Variants in CFAP44 observed in about 807,000 individuals in gnomAD.
CFAP44 encodes the protein cilia and flagella associated protein 44.
A neutral mutation model predicts 216.2 loss-of-function variants in CFAP44; 134 were observed. That is an observed-to-expected ratio of 0.62 (90% CI 0.54 to 0.72). The LOEUF (loss-of-function observed/expected upper bound fraction) is 0.72, where lower values mean the gene tolerates loss of function less well. Ranked by LOEUF, CFAP44 falls within the 30% of genes least tolerant of loss-of-function variation. The pLI is 0.00. For missense variants in CFAP44, 2,035 were observed against 2,182.1 expected (o/e 0.93, Z 1.34); for synonymous variants, 700 against 727.6 (o/e 0.96, Z 0.61).
chr3:113,414,685 C>A (rs1165780401), intron 6 of CFAP44, among the ~76,000 whole-genome samples: 2 of 152,172 alleles, frequency 1.3e-5, no homozygotes, highest in African/African-American at 4.8e-5. Flanking sequence ...TATGTTGAAC[C>A]AGCCTTGCAT....
Position 113,420,022 on chromosome 3 carries a change from T to C in CFAP44, c.565A>G (p.Ile189Val). ...CTAATTTATTGAAGGCATACCCCAA[T>C]GACGCCAATTCCTTCACCACTGCTA... ...RSSSGEGIGV[I>V]GVHPHKTYFT... Residue 189 changes from isoleucine to valine, a missense_variant, in exon 5 of 35, where the codon ATT (isoleucine) becomes GTT (valine). By Grantham distance (29) the Ile-to-Val change is conservative. Around this residue, in one of 3 missense-constraint regions of CFAP44, gnomAD observed 1,883 missense variants for 2,023.7 expected, o/e 0.93. Transcript: ENST00000393845. 6.2e-7 allele frequency: 1 copy of C among 1,612,834 alleles called. No individual in the cohort carries two copies. Among genetic ancestry groups the C allele is most frequent in the Non-Finnish European group, 8.5e-7 (1 of 1,179,634 alleles).
At chr3:113,326,318 C>A in intron 28 of CFAP44, 127 bp downstream of exon 28, 1 of 808,142 alleles carries the variant, frequency 1.2e-6, no homozygotes, top group Non-Finnish European at 1.8e-6. Context: ...CTCTTTAGCC[C>A]CCACAGTGTC....
At chr3:113,427,529 T>G (rs1934995314) in intron 2 of CFAP44, 190 bp from the exon 3 acceptor site, 1 of 494,868 alleles carries the variant, frequency 2.0e-6, no homozygotes. Context: ...TTTCTGTTTG[T>G]TAATCTCCAT....
rs1950210721 is a variant in CFAP44, at chr3:113,328,695, T to TA, written c.4117-877_4117-876insT. On this transcript the variant is annotated intron_variant, in intron 26 of 34. Coordinates refer to ENST00000393845, the MANE Select transcript of CFAP44 (RefSeq NM_001164496.2). ...AAACTACCAGAGAAATTTAGAGAGC[T>TA]TAAAAAAAAAAAAAAAAAAAAAAAA... Among the ~76,000 whole-genome samples, 201 of 72,326 alleles carry TA rather than the reference T, an allele frequency of 2.8e-3. 18 individuals are homozygous for TA. The highest frequency in any genetic ancestry group is 6.9e-3 in the African/African-American group (147 of 21,394). 47.4% of individuals were successfully genotyped at this position (72,326 alleles called of 152,430 possible). A position where few individuals can be genotyped will look rare whatever the true frequency, so the allele number is the denominator to read the frequency against.
chr3:113,330,778 A>G, intron 25 of CFAP44, 110 bp from the exon 26 acceptor site: 1 of 1,369,858 alleles, frequency 7.3e-7, no homozygotes, highest in East Asian at 2.5e-5. Context: ...AATTCAAGAT[A>G]AAAATTCATC....
At chr3:113,439,953 C>T (rs914255886) in intron 1 of CFAP44, among the ~76,000 whole-genome samples, 1 of 151,936 alleles carries the variant, frequency 6.6e-6, no homozygotes, top group African/African-American at 2.4e-5. Flanking sequence ...AAAGTAATAG[C>T]TTGTCTTTTT....
At chr3:113,433,473 T>C in intron 2 of CFAP44, 92 bp downstream of exon 2, 1 of 307,328 alleles carries the variant, frequency 3.3e-6, no homozygotes, top group Non-Finnish European at 6.3e-6. Context: ...TTTTATAACA[T>C]CCTGCTCTTT....
chr3:113,297,457 T>C (rs1240765467), intron 32 of CFAP44, among the ~76,000 whole-genome samples: 2 of 143,360 alleles, frequency 1.4e-5, no homozygotes, highest in Non-Finnish European at 3.1e-5. Context: ...TGAACTGCTC[T>C]TCCCCAGAGA....
At chr3:113,368,568 C>T (rs1254329626) in intron 18 of CFAP44, among the ~76,000 whole-genome samples, 1 of 152,170 alleles carries the variant, frequency 6.6e-6, no homozygotes, top group Non-Finnish European at 1.5e-5. Flanking sequence ...CCAGGCCTGC[C>T]TTACAAGAGC....
chr3:113,427,088 C>T lies in CFAP44; in HGVS notation c.253+99G>A, dbSNP rs1234303196. 3.9e-6 allele frequency: 5 copies of T among 1,278,010 alleles called. No individual in the cohort carries two copies. In the African/African-American group the frequency reaches 7.5e-5, roughly 19 times the overall value. The allele number at this position is 1,278,010 out of a possible 1,614,324, so 79.2% of individuals were successfully genotyped here. A position where few individuals can be genotyped will look rare whatever the true frequency, so the allele number is the denominator to read the frequency against. On this transcript the variant is annotated intron_variant, in intron 3 of 34. Transcript: ENST00000393845. The stretch of plus-strand genomic sequence containing the variant: ...TATCATTCCCACACATATGTACATC[C>T]TGCACATTTTTCTTTCTATGGATTT...
chr3:113,366,742 C>T lies in CFAP44; in HGVS notation c.2445-433G>A, dbSNP rs1167849989. 5.3e-5 allele frequency among the ~76,000 whole-genome samples: 8 copies of T among 152,250 alleles called. No homozygotes were observed. The South Asian group carries it at 8.3e-4, about 16-fold the overall frequency. On this transcript the variant is annotated intron_variant, in intron 18 of 34. Coordinates refer to ENST00000393845, the MANE Select transcript of CFAP44 (RefSeq NM_001164496.2). Reference sequence around the variant, plus strand: ...TGGGTGCAGCCGATGGAGGGCAAGCCGAAGCAAGGCAGGGTGTTGCCTCAC... The same window carrying T: ...TGGGTGCAGCCGATGGAGGGCAAGCTGAAGCAAGGCAGGGTGTTGCCTCAC...
intron 24 of CFAP44, among the ~76,000 whole-genome samples, chr3:113,341,041 G>A (rs1480027339): frequency 1.3e-5 from 2 of 152,144 alleles, no homozygotes; most frequent in South Asian, 2.1e-4. Flanking sequence ...GCCTGTCAGC[G>A]TGCTCTTGAT....
intron 32 of CFAP44, among the ~76,000 whole-genome samples, chr3:113,302,902 T>C (rs1222315545): frequency 6.9e-6 from 1 of 144,306 alleles, no homozygotes; most frequent in Non-Finnish European, 1.5e-5. Flanking sequence ...AAGCAAAAAA[T>C]AGAAATCAAA....
intron 2 of CFAP44, among the ~76,000 whole-genome samples, chr3:113,433,042 TA>T (rs1238144531): frequency 6.6e-6 from 1 of 152,180 alleles, no homozygotes; most frequent in African/African-American, 2.4e-5. Context: ...TTGAATCTCC[TA>T]TTTCCTGGAC....
intron 24 of CFAP44, among the ~76,000 whole-genome samples, chr3:113,335,570 G>A (rs1048570787): frequency 6.6e-6 from 1 of 152,190 alleles, no homozygotes; most frequent in Non-Finnish European, 1.5e-5. Context: ...CTGGGAAACT[G>A]TAGAACAAAT....
At chr3:113,380,457 G>T (rs192620528) in intron 16 of CFAP44, among the ~76,000 whole-genome samples, 171 of 151,568 alleles carry the variant, frequency 1.1e-3, no homozygotes, top group African/African-American at 3.9e-3. Flanking sequence ...TTGAGACAGG[G>T]TCTCACTCTG....
chr3:113,433,458 AT>A, intron 2 of CFAP44, 106 bp downstream of exon 2: 1 of 295,858 alleles, frequency 3.4e-6, no homozygotes, highest in Non-Finnish European at 6.2e-6. Context: ...AAAAAAAAAG[AT>A]CTATTTTATA....
chr3:113,310,409 C>T lies in CFAP44; in HGVS notation c.4517-2141G>A, dbSNP rs144427615. Among the ~76,000 whole-genome samples, 577 of 152,308 alleles carry T rather than the reference C, an allele frequency of 3.8e-3. 4 individuals carry two copies. Among genetic ancestry groups the T allele is most frequent in the African/African-American group, 0.013 (537 of 41,558 alleles). On this transcript the variant is annotated intron_variant, in intron 28 of 34. Coordinates refer to ENST00000393845, the MANE Select transcript of CFAP44 (RefSeq NM_001164496.2). The stretch of plus-strand genomic sequence containing the variant: ...AGCAGTATCAAAGAGGCCCCCTATC[C>T]CTTGGGTGACAATGAAGTCTGAATG...
In CFAP44 at chr3:113,328,695, T is replaced by TAAAAAAAAAAAAAAAA. The variant is rs1950210721; in HGVS notation, c.4117-877_4117-876insTTTTTTTTTTTTTTTT. Among the ~76,000 whole-genome samples, 34 of 72,342 alleles carry TAAAAAAAAAAAAAAAA rather than the reference T, an allele frequency of 4.7e-4. 6 individuals carry two copies. Among genetic ancestry groups the TAAAAAAAAAAAAAAAA allele is most frequent in the African/African-American group, 1.0e-3 (22 of 21,406 alleles). The allele number at this position is 72,342 out of a possible 152,430, so 47.5% of individuals were successfully genotyped here. ...AAACTACCAGAGAAATTTAGAGAGC[T>TAAAAAAAAAAAAAAAA]TAAAAAAAAAAAAAAAAAAAAAAAA... On this transcript the variant is annotated intron_variant, in intron 26 of 34. Transcript: ENST00000393845.
Sources: gnomAD v4.1 joint callset for allele counts (sites outside exome capture counted in the v4.1 genomes callset) on GRCh38, gnomAD v4.1.1 for gene constraint, gnomAD v4.1.1 regional missense constraint, MANE v1.5 for transcripts, NCBI Gene and HGNC (gene_info 2026-07-23, HGNC 2026-07-21) for gene names.